WAPL: variants seen among roughly 807,000 people sequenced by gnomAD.
WAPL encodes wings apart-like protein homolog.
Under a neutral mutation model 121.0 loss-of-function variants are expected in WAPL, and 5 were observed. That is an observed-to-expected ratio of 0.04 (90% CI 0.02 to 0.09). The LOEUF (loss-of-function observed/expected upper bound fraction) is 0.09. Ranked by LOEUF, WAPL falls within the 10% of genes least tolerant of loss-of-function variation. The pLI, the probability that WAPL is intolerant of heterozygous loss-of-function variation, is 1.00. For missense variants in WAPL, 999 were observed against 1,410.8 expected (o/e 0.71, Z 4.68); for synonymous variants, 480 against 481.5 (o/e 1.00, Z 0.04).
chr10:86,467,198 C>T, intron 9 of WAPL, 81 bp downstream of exon 9: 1 of 1,274,124 alleles, frequency 7.8e-7, no homozygotes, highest in Non-Finnish European at 1.1e-6. Flanking sequence ...ATAATTTGCC[C>T]ACAGTCACAC....
intron 4 of WAPL, among the ~76,000 whole-genome samples, chr10:86,495,693 G>C (rs1201398905): frequency 6.6e-6 from 1 of 152,094 alleles, no homozygotes; most frequent in African/African-American, 2.4e-5. Context: ...AAATGTTTTT[G>C]CATCAAAGGA....
chr10:86,491,712 A>C (rs1173235029), intron 4 of WAPL, among the ~76,000 whole-genome samples: 1 of 151,980 alleles, frequency 6.6e-6, no homozygotes, highest in Non-Finnish European at 1.5e-5. Context: ...CACACTGGCC[A>C]AATATAAAAC....
At chr10:86,519,717 A>G (rs1332098013) in intron 1 of WAPL, among the ~76,000 whole-genome samples, 1 of 152,214 alleles carries the variant, frequency 6.6e-6, no homozygotes, top group African/African-American at 2.4e-5. Flanking sequence ...ATAAAAATCG[A>G]TTCTCTGTTC....
intron 8 of WAPL, among the ~76,000 whole-genome samples, chr10:86,470,126 G>A (rs1258983013): frequency 2.0e-5 from 3 of 151,520 alleles, no homozygotes; most frequent in Non-Finnish European, 4.4e-5. Flanking sequence ...TCCACCTCCC[G>A]GGTTCAAGCA....
rs1841757874 is a variant in WAPL, at chr10:86,480,554, C to T, written c.1645-6581G>A. On this transcript the variant is annotated intron_variant, in intron 4 of 18. Coordinates refer to ENST00000298767, the MANE Select transcript of WAPL (RefSeq NM_015045.5). Reference sequence around the variant, plus strand: ...ATAACAGTTCTCACAACTAAAAATACCATTAAATATTGATGACAAGTTGTA... The same window carrying T: ...ATAACAGTTCTCACAACTAAAAATATCATTAAATATTGATGACAAGTTGTA... 2.6e-5 allele frequency among the ~76,000 whole-genome samples: 4 copies of T among 152,108 alleles called. No individual in the cohort carries two copies. The South Asian group carries it at 8.3e-4, about 32-fold the overall frequency.
At position 86,521,592 on chromosome 10, in the gene WAPL, C is replaced by A; in HGVS notation, c.-250G>T. ...TCGAGCGCCGCCGGCCGGGCCCAGG[C>A]CTAGCTCTCGCTGGCCGCCACTGCT... On this transcript the variant is annotated 5_prime_UTR_variant, in exon 1 of 19. Transcript: ENST00000298767. 1 of 452,492 alleles carries A rather than the reference C, an allele frequency of 2.2e-6. No individual in the cohort carries two copies. The highest frequency in any genetic ancestry group is 4.5e-6 in the Non-Finnish European group (1 of 220,346). The allele number at this position is 452,492 out of a possible 1,614,324, so 28.0% of individuals were successfully genotyped here. A position where few individuals can be genotyped will look rare whatever the true frequency, so the allele number is the denominator to read the frequency against.
intron 11 of WAPL, among the ~76,000 whole-genome samples, chr10:86,459,347 G>A (rs72846941): frequency 0.011 from 1,651 of 152,310 alleles, 17 homozygotes; most frequent in Non-Finnish European, 0.018. Context: ...TGTCAGAATA[G>A]AGCAGTCCTC....
intron 10 of WAPL, among the ~76,000 whole-genome samples, chr10:86,460,955 C>T (rs1050781641): frequency 5.9e-5 from 9 of 152,156 alleles, no homozygotes; most frequent in African/African-American, 1.2e-4. Flanking sequence ...TCAGGTGATC[C>T]GCCCGCCTTG....
chr10:86,519,303 G>A (rs1842624443), intron 1 of WAPL, among the ~76,000 whole-genome samples: 1 of 152,004 alleles, frequency 6.6e-6, no homozygotes, highest in Non-Finnish European at 1.5e-5. Context: ...TGAATACATC[G>A]AATATAACTT....
At chr10:86,461,418 T>C (rs1224325134) in intron 9 of WAPL, 131 bp from the exon 10 acceptor site, 4 of 665,734 alleles carry the variant, frequency 6.0e-6, no homozygotes, top group Non-Finnish European at 1.0e-5. Flanking sequence ...TTGAACTAAT[T>C]TTCAATTTTA....
intron 14 of WAPL, among the ~76,000 whole-genome samples, 157 bp downstream of exon 14, chr10:86,453,063 A>G (rs1841034851): frequency 1.8e-5 from 2 of 109,826 alleles, no homozygotes; most frequent in Non-Finnish European, 3.9e-5. Flanking sequence ...AAAAAAAAAA[A>G]AAAAAAAAGA....
At chr10:86,460,556 C>T in intron 10 of WAPL, 60 bp from the exon 11 acceptor site, 1 of 1,409,652 alleles carries the variant, frequency 7.1e-7, no homozygotes, top group Non-Finnish European at 9.9e-7. Context: ...CAATAGAATA[C>T]TTTTAGCTAA....
intron 16 of WAPL, among the ~76,000 whole-genome samples, chr10:86,444,531 T>C (rs971844924): frequency 1.3e-5 from 2 of 152,164 alleles, no homozygotes; most frequent in African/African-American, 4.8e-5. Context: ...ACGGATGAAC[T>C]TTGAAAACAT....
intron 17 of WAPL, 29 bp downstream of exon 17, chr10:86,443,246 C>A (rs764974150): frequency 1.2e-5 from 19 of 1,538,196 alleles, no homozygotes; most frequent in Middle Eastern, 1.7e-4. Context: ...TTCAAAGATA[C>A]ATAAAACATC....
chr10:86,483,847 T>C (rs565483152), intron 4 of WAPL, among the ~76,000 whole-genome samples: 138 of 117,532 alleles, frequency 1.2e-3, no homozygotes, highest in Non-Finnish European at 1.8e-3. Flanking sequence ...CAGGCTGGAG[T>C]ACAGTGGCGC....
intron 9 of WAPL, among the ~76,000 whole-genome samples, chr10:86,464,722 G>C (rs971694682): frequency 6.6e-6 from 1 of 152,138 alleles, no homozygotes; most frequent in Non-Finnish European, 1.5e-5. Context: ...TGTAATCCCA[G>C]CTATTCAAGA....
In WAPL at chr10:86,453,791, G is replaced by A. The variant is rs200631531; in HGVS notation, c.2698C>T (p.Arg900Cys). Reference sequence around the variant, plus strand: ...GCTAAGCATATGCTGTCCTCAGCACGGTTGTACTGCTGAATCAGTTCTTCA... The same window carrying A: ...GCTAAGCATATGCTGTCCTCAGCACAGTTGTACTGCTGAATCAGTTCTTCA... Reference protein sequence around the residue: ...HCEELIQQYNRAEDSICLADS... With the variant: ...HCEELIQQYNCAEDSICLADS... Residue 900 changes from arginine to cysteine, a missense_variant, in exon 13 of 19, where the codon CGT becomes TGT. Arg to Cys is a radical substitution (Grantham distance 180). Around this residue, in one of 7 missense-constraint regions of WAPL, gnomAD observed 85 missense variants for 133.5 expected, o/e 0.64. Transcript: ENST00000298767. 11 of 1,613,076 alleles carry A rather than the reference G, an allele frequency of 6.8e-6. No homozygotes were observed. The highest frequency in any genetic ancestry group is 1.7e-4 in the Middle Eastern group (1 of 6,058).
At chr10:86,440,319 G>A (rs1453073051) in intron 17 of WAPL, among the ~76,000 whole-genome samples, 5 of 149,662 alleles carry the variant, frequency 3.3e-5, no homozygotes, top group South Asian at 2.1e-4. Flanking sequence ...ATGGAGTCTC[G>A]CTCTGTTGCC....
intron 15 of WAPL, among the ~76,000 whole-genome samples, chr10:86,448,058 T>A (rs577386121): frequency 1.6e-4 from 24 of 151,646 alleles, no homozygotes; most frequent in Admixed American, 4.6e-4. Flanking sequence ...CAAAAAAATT[T>A]AAAAAAAAGA....
Sources: gnomAD v4.1 joint callset for allele counts (sites outside exome capture counted in the v4.1 genomes callset) on GRCh38, gnomAD v4.1.1 for gene constraint, gnomAD v4.1.1 regional missense constraint, MANE v1.5 for transcripts, NCBI Gene and HGNC (gene_info 2026-07-23, HGNC 2026-07-21) for gene names.